TLR10: variants seen among roughly 807,000 people sequenced by gnomAD.
TLR10 encodes the protein toll-like receptor 10.
For missense variants in TLR10, 929 were observed against 932.9 expected, an observed-to-expected ratio of 1.00 and a Z score of 0.05; for synonymous variants, 288 against 338.8, an observed-to-expected ratio of 0.85 and a Z score of 1.65.
rs1724979267 is a variant in TLR10, at chr4:38,775,242, C to T, written c.349G>A (p.Ala117Thr). The T allele has an allele frequency of 6.2e-7, 1 of 1,613,150 alleles. No individual in the cohort carries two copies. ...GAAAGATCTAAATACCTGAGACCTG[C>T]CAGTAAATACCAAGTTACACTCTTC... ...RLKSVTWYLLAGLRYLDLSFN... is the reference protein window; with the variant it reads ...RLKSVTWYLLTGLRYLDLSFN... Residue 117 changes from alanine to threonine, a missense_variant, in exon 4 of 4, where the codon GCA becomes ACA. Coordinates refer to ENST00000308973, the MANE Select transcript of TLR10 (RefSeq NM_030956.4).
In TLR10 at chr4:38,772,744, T is replaced by TC. The variant is rs1724710453; in HGVS notation, c.*410dup. 1 of 152,368 alleles carries TC rather than the reference T, an allele frequency of 6.6e-6. No individual in the cohort carries two copies. The highest frequency in any genetic ancestry group is 2.1e-4 in the South Asian group (1 of 4,824). 9.4% of individuals were successfully genotyped at this position (152,368 alleles called of 1,614,324 possible). A position where few individuals can be genotyped will look rare whatever the true frequency, so the allele number is the denominator to read the frequency against. On this transcript the variant is annotated 3_prime_UTR_variant, in exon 4 of 4. Coordinates refer to ENST00000308973, the MANE Select transcript of TLR10 (RefSeq NM_030956.4). ...TTCAAGCGATTCTCCTGCCTCAGCC[T>TC]CCCAAGTAGCTGGGACTACAGGCGT...
At chr4:38,782,246 C>A (rs549141667) in intron 1 of TLR10, among the ~76,000 whole-genome samples, 2 of 152,300 alleles carry the variant, frequency 1.3e-5, no homozygotes, top group East Asian at 3.9e-4. Flanking sequence ...GTTCAAGAGA[C>A]TTTGCCTACA....
intron 1 of TLR10, among the ~76,000 whole-genome samples, chr4:38,777,612 A>G (rs541770162): frequency 2.0e-4 from 30 of 152,346 alleles, no homozygotes; most frequent in African/African-American, 6.7e-4. Context: ...ACAAGAAAAA[A>G]ACAACCCCAT....
At chr4:38,778,471 G>T (rs755529539) in intron 1 of TLR10, among the ~76,000 whole-genome samples, 1 of 148,498 alleles carries the variant, frequency 6.7e-6, no homozygotes, top group Admixed American at 6.7e-5. Flanking sequence ...CAAATAAAAA[G>T]ATTCCTCTGT....
chr4:38,781,147 ATAC>A (rs1234512777), intron 1 of TLR10, among the ~76,000 whole-genome samples: 2 of 152,116 alleles, frequency 1.3e-5, no homozygotes, highest in Non-Finnish European at 2.9e-5. Flanking sequence ...CTCTCAGGCA[ATAC>A]TTATGCATTA....
rs1187095660 is a variant in TLR10 at position 38,774,379 on chromosome 4, C to T, written c.1212G>A (p.Leu404=). 2.5e-6 allele frequency: 4 copies of T among 1,613,066 alleles called. No homozygotes were observed. Among genetic ancestry groups the T allele is most frequent in the Non-Finnish European group, 3.4e-6 (4 of 1,179,688 alleles). Residue 404 remains leucine (L), a synonymous_variant, in exon 4 of 4, where the codon CTG becomes CTA. Coordinates refer to ENST00000308973, the MANE Select transcript of TLR10 (RefSeq NM_030956.4). Reference sequence around the variant, plus strand: ...TTTTATGTTGTAATAGATTTTGACTCAGATCCAAGTGTTCCAAGGGTGTGT... The same window carrying T: ...TTTTATGTTGTAATAGATTTTGACTTAGATCCAAGTGTTCCAAGGGTGTGT... ...ANNTPLEHLD[L]SQNLLQHKND...
Position 38,775,205 on chromosome 4 carries a change from A to G in TLR10, c.386T>C (p.Phe129Ser). Residue 129 changes from phenylalanine (F) to serine (S), a missense_variant, in exon 4 of 4, where the codon TTT becomes TCT. Physicochemically the swap from Phe to Ser is radical, Grantham distance 155 (BLOSUM62 -2). Coordinates refer to ENST00000308973, the MANE Select transcript of TLR10 (RefSeq NM_030956.4). ...TTCCTCACAGATAGGCATGGTGTCA[A>G]AGTCATTAAAAGAAAGATCTAAATA... Reference protein sequence around the residue: ...LRYLDLSFNDFDTMPICEEAG... With the variant: ...LRYLDLSFNDSDTMPICEEAG... The G allele has an allele frequency of 6.2e-7, 1 of 1,612,918 alleles. No individual in the cohort carries two copies. The highest frequency in any genetic ancestry group is 1.1e-5 in the South Asian group (1 of 90,812).
rs577135740 is a variant in TLR10 at position 38,778,268 on chromosome 4, A to T, written c.-568-1842T>A. On this transcript the variant is annotated intron_variant, in intron 1 of 3. Coordinates refer to ENST00000308973, the MANE Select transcript of TLR10 (RefSeq NM_030956.4). The stretch of plus-strand genomic sequence containing the variant: ...GAACAATGAGAACACATTGACACAC[A>T]CCGGGGCCTGTCAGGGGGTGGGGGG... Among the ~76,000 whole-genome samples, 4 of 151,640 alleles carry T rather than the reference A, an allele frequency of 2.6e-5. No individual in the cohort carries two copies. In the East Asian group the frequency reaches 7.8e-4, roughly 30 times the overall value.
chr4:38,782,506 A>G (rs1313834522), intron 1 of TLR10, among the ~76,000 whole-genome samples: 1 of 152,228 alleles, frequency 6.6e-6, no homozygotes, highest in Non-Finnish European at 1.5e-5. Context: ...CCCTACTTTT[A>G]AACAGGTAAC....
chr4:38,772,606 T>TG lies in TLR10; in HGVS notation c.*548_*549insC, dbSNP rs1185273024. The stretch of plus-strand genomic sequence containing the variant: ...ACCTTATTTTGTGGCCATGAGGATG[T>TG]TTTCCATTTTTTTCTTTTTTTTTTT... On this transcript the variant is annotated 3_prime_UTR_variant, in exon 4 of 4. Transcript: ENST00000308973. The TG allele has an allele frequency of 2.1e-5, 3 of 143,990 alleles. No individual in the cohort carries two copies. 8.9% of individuals were successfully genotyped at this position (143,990 alleles called of 1,614,324 possible). A position where few individuals can be genotyped will look rare whatever the true frequency, so the allele number is the denominator to read the frequency against.
chr4:38,777,254 C>T (rs1725110977), intron 1 of TLR10, among the ~76,000 whole-genome samples: 1 of 151,940 alleles, frequency 6.6e-6, no homozygotes, highest in Non-Finnish European at 1.5e-5. Flanking sequence ...CTAAAGGGGC[C>T]AAAGAAGCAA....
chr4:38,777,270 T>G (rs1725111979), intron 1 of TLR10, among the ~76,000 whole-genome samples: 1 of 152,116 alleles, frequency 6.6e-6, no homozygotes, highest in African/African-American at 2.4e-5. Context: ...AGCAAGACAC[T>G]TGTTGTCTGG....
rs375661891 is a variant in TLR10 at position 38,774,797 on chromosome 4, A to G, written c.794T>C (p.Phe265Ser). 1 of 1,599,008 alleles carries G rather than the reference A, an allele frequency of 6.3e-7. No homozygotes were observed. The highest frequency in any genetic ancestry group is 1.1e-5 in the South Asian group (1 of 87,976). Residue 265 changes from phenylalanine (F) to serine (S), a missense_variant, in exon 4 of 4, where the codon TTT (phenylalanine) becomes TCT (serine). Coordinates refer to ENST00000308973, the MANE Select transcript of TLR10 (RefSeq NM_030956.4). ...LWDDLFLILQ[F>S]VWHTSVEHFQ... ...GTGTTCCACTGATGTATGCCAAACA[A>G]ATTGTAAGATAAGGAAAAGGTCGTC...
At chr4:38,780,976 C>G (rs943595073) in intron 1 of TLR10, among the ~76,000 whole-genome samples, 15 of 152,054 alleles carry the variant, frequency 9.9e-5, no homozygotes, top group African/African-American at 3.4e-4. Context: ...GCAGCAGAAT[C>G]TAACCCAGTT....
In TLR10 at chr4:38,774,945, T is replaced by C; in HGVS notation, c.646A>G (p.Ile216Val). ...LLRDGIKTSK[I>V]LEMTNIDGKS... ...CCATCTATATTTGTCATTTCTAATA[T>C]TTTTGAAGTCTTGATTCCATCACGC... The change falls in exon 4 of 4, where the codon ATA (isoleucine) becomes GTA (valine). Residue 216 changes from isoleucine to valine, a missense_variant. By Grantham distance (29) the Ile-to-Val change is conservative. Coordinates refer to ENST00000308973, the MANE Select transcript of TLR10 (RefSeq NM_030956.4). 2 of 1,612,892 alleles carry C rather than the reference T, an allele frequency of 1.2e-6. No homozygotes were observed. The highest frequency in any genetic ancestry group is 2.2e-5 in the East Asian group (1 of 44,866).
intron 1 of TLR10, among the ~76,000 whole-genome samples, chr4:38,782,708 C>G (rs957676186): frequency 6.6e-6 from 1 of 151,212 alleles, no homozygotes; most frequent in African/African-American, 2.5e-5. Context: ...GAAAAGAAAC[C>G]CACGCTCTCA....
chr4:38,772,410 T>G lies in TLR10; in HGVS notation c.*745A>C, dbSNP rs563197117. 1 of 152,172 alleles carries G rather than the reference T, an allele frequency of 6.6e-6. No individual in the cohort carries two copies. Among genetic ancestry groups the G allele is most frequent in the Non-Finnish European group, 1.5e-5 (1 of 68,030 alleles). The allele number at this position is 152,172 out of a possible 1,614,324, so 9.4% of individuals were successfully genotyped here. On this transcript the variant is annotated 3_prime_UTR_variant, in exon 4 of 4. Coordinates refer to ENST00000308973, the MANE Select transcript of TLR10 (RefSeq NM_030956.4). ...CATCTGGTATAGATTTCTTTACACT[T>G]TTATTTCAATGCCATTTCAATGGCA...
Position 38,773,433 on chromosome 4 carries a change from C to A in TLR10, c.2158G>T (p.Glu720Ter). 1 of 1,612,020 alleles carries A rather than the reference C, an allele frequency of 6.2e-7. No individual in the cohort carries two copies. Among genetic ancestry groups the A allele is most frequent in the Non-Finnish European group, 8.5e-7 (1 of 1,179,324 alleles). ...ATAAGAATTATATGATCAGAATTTT[C>A]ATGGAAGAGATTGTGGTGGGCAAAG... ...FYFAHHNLFH[E>*]NSDHIILILL... The change falls in exon 4 of 4, where the codon GAA (glutamate) becomes TAA (stop). Residue 720 changes from glutamate to a stop codon, truncating the protein, a stop_gained. Coordinates refer to ENST00000308973, the MANE Select transcript of TLR10 (RefSeq NM_030956.4). LOFTEE classifies it low-confidence loss of function (END_TRUNC).
chr4:38,776,610 C>T (rs1725072950), intron 1 of TLR10, among the ~76,000 whole-genome samples, 184 bp from the exon 2 acceptor site: 1 of 152,140 alleles, frequency 6.6e-6, no homozygotes, highest in Non-Finnish European at 1.5e-5. Context: ...GGAGATGTGC[C>T]AGGCTTCACG....
Sources: allele counts gnomAD v4.1 joint callset (sites outside exome capture counted in the v4.1 genomes callset), GRCh38; gene constraint gnomAD v4.1.1; transcripts MANE v1.5; gene names NCBI Gene and HGNC (gene_info 2026-07-23, HGNC 2026-07-21).